C6orf89: variants seen among roughly 807,000 people sequenced by gnomAD.
The protein encoded by C6orf89 is bombesin receptor-activated protein C6orf89.
In C6orf89, 29 loss-of-function variants were observed where a neutral mutation model predicts 40.7. The observed-to-expected ratio is 0.71, with a 90% CI of 0.53 to 0.97. The LOEUF is 0.97. Ranked by LOEUF, C6orf89 falls within the 50% of genes least tolerant of loss-of-function variation. C6orf89 has a pLI of 0.00. For synonymous variants in C6orf89, 165 were observed against 152.2 expected (o/e 1.08, Z -0.62); for missense variants, 392 against 429.1 (o/e 0.91, Z 0.76).
At chr6:36,891,546 T>C (rs1235492392) in intron 1 of C6orf89, among the ~76,000 whole-genome samples, 1 of 152,222 alleles carries the variant, frequency 6.6e-6, no homozygotes, top group Non-Finnish European at 1.5e-5. Flanking sequence ...TATTTCTAGT[T>C]CTAGATCCTT....
intron 6 of C6orf89, among the ~76,000 whole-genome samples, chr6:36,915,054 C>G (rs151128950): frequency 1.3e-5 from 2 of 152,174 alleles, no homozygotes; most frequent in African/African-American, 4.8e-5. Context: ...CCAGAAATAC[C>G]TGCAAAACAG....
intron 7 of C6orf89, among the ~76,000 whole-genome samples, chr6:36,919,174 G>A (rs897221009): frequency 1.3e-5 from 2 of 152,198 alleles, no homozygotes; most frequent in Non-Finnish European, 2.9e-5. Flanking sequence ...CCATGTGCTG[G>A]TTTCTGCTGG....
At chr6:36,887,640 T>G (rs116533048) in intron 1 of C6orf89, among the ~76,000 whole-genome samples, 259 of 152,280 alleles carry the variant, frequency 1.7e-3, no homozygotes, top group African/African-American at 5.6e-3. Context: ...CAGTGTAGAA[T>G]GTGAAGAAGG....
At chr6:36,872,639 CCT>C (rs1048467415) in intron 1 of C6orf89, among the ~76,000 whole-genome samples, 162 of 151,948 alleles carry the variant, frequency 1.1e-3, no homozygotes, top group African/African-American at 3.6e-3. Context: ...GAAAGGGTCT[CCT>C]CTGTCACCCA....
intron 1 of C6orf89, among the ~76,000 whole-genome samples, chr6:36,893,185 C>T (rs973652133): frequency 1.6e-4 from 24 of 152,000 alleles, no homozygotes; most frequent in African/African-American, 5.8e-4. Flanking sequence ...CTGCCCGCCT[C>T]GGCCTCCCAA....
intron 2 of C6orf89, among the ~76,000 whole-genome samples, chr6:36,880,223 A>T (rs932887333): frequency 6.6e-6 from 1 of 152,242 alleles, no homozygotes; most frequent in Non-Finnish European, 1.5e-5. Flanking sequence ...GCTATGCTTA[A>T]AAGTCAGGTT....
Position 36,886,031 on chromosome 6 carries a change from G to C in C6orf89, c.-120+3G>C. ...CCCGAGGGGCGCGAGCCCCGCATGT[G>C]AGTGACTGGGGCCCGAGGCTGGGTG... On this transcript the variant is annotated splice_donor_region_variant and intron_variant, in intron 1 of 8. Coordinates refer to ENST00000480824, the MANE Select transcript of C6orf89 (RefSeq NM_001286635.2). 8.0e-7 allele frequency: 1 copy of C among 1,257,510 alleles called. No individual in the cohort carries two copies. The highest frequency in any genetic ancestry group is 2.9e-5 in the South Asian group (1 of 34,308). 77.9% of individuals were successfully genotyped at this position (1,257,510 alleles called of 1,614,324 possible).
rs79970764 is a variant in C6orf89, at chr6:36,890,390, C to T, written c.-119-4114C>T. Among the ~76,000 whole-genome samples the T allele has an allele frequency of 0.02, 3,095 of 152,234 alleles. 219 individuals carry two copies. The East Asian group carries it at 0.27, about 13-fold the overall frequency. ...TTTAGATTAATCGCACAAGTGGTAT[C>T]ATGTAGTATTTATCTTTCTGTGTCT... is the stretch of plus-strand genomic sequence containing the variant. On this transcript the variant is annotated intron_variant, in intron 1 of 8. Transcript: ENST00000480824.
At chr6:36,896,737 A>T (rs984322284) in intron 2 of C6orf89, among the ~76,000 whole-genome samples, 33 of 152,232 alleles carry the variant, frequency 2.2e-4, no homozygotes, top group African/African-American at 7.9e-4. Context: ...GAATCCCAGA[A>T]TCATGAAGCC....
At chr6:36,890,312 C>T (rs1256937632) in intron 1 of C6orf89, among the ~76,000 whole-genome samples, 2 of 152,256 alleles carry the variant, frequency 1.3e-5, no homozygotes, top group South Asian at 2.1e-4. Context: ...TTCCCCCTGC[C>T]TGCAGCCTCC....
chr6:36,885,522 C>T (rs1774941022), upstream of C6orf89, among the ~76,000 whole-genome samples: 1 of 152,160 alleles, frequency 6.6e-6, no homozygotes, highest in African/African-American at 2.4e-5. Flanking sequence ...AATGAGTGGG[C>T]TGAGTGAAAA....
intron 1 of C6orf89, chr6:36,875,038 G>A (rs1774615236): frequency 4.2e-6 from 2 of 481,094 alleles, no homozygotes; most frequent in Non-Finnish European, 7.4e-6. Context: ...CACTCTGGGC[G>A]ATCTGATTGG....
chr6:36,885,921 G>T, upstream of C6orf89: 1 of 1,068,674 alleles, frequency 9.4e-7, no homozygotes, highest in Non-Finnish European at 1.2e-6. Flanking sequence ...CCAGGAGTGG[G>T]GGGTTGCTTC....
At chr6:36,918,970 T>C (rs1488323945) in intron 7 of C6orf89, among the ~76,000 whole-genome samples, 1 of 152,198 alleles carries the variant, frequency 6.6e-6, no homozygotes, top group Non-Finnish European at 1.5e-5. Context: ...TTTTAATCGG[T>C]AGCATGGCAT....
intron 1 of C6orf89, chr6:36,872,082 G>C (rs945166933): frequency 4.8e-6 from 2 of 416,624 alleles, no homozygotes; most frequent in Non-Finnish European, 8.2e-6. Flanking sequence ...CAGGTGTTCT[G>C]GGTACTTCTT....
At chr6:36,888,353 C>T (rs1222421637) in intron 1 of C6orf89, among the ~76,000 whole-genome samples, 2 of 152,066 alleles carry the variant, frequency 1.3e-5, no homozygotes, top group East Asian at 1.9e-4. Flanking sequence ...AATAAGTGGC[C>T]GAGTGCAGCG....
intron 2 of C6orf89, among the ~76,000 whole-genome samples, chr6:36,894,919 A>G (rs901523663): frequency 3.5e-4 from 54 of 152,156 alleles, no homozygotes; most frequent in Admixed American, 3.0e-3. Context: ...TTGTAGTCCA[A>G]TCCTCTTATT....
In C6orf89 at chr6:36,926,170, CTTA is replaced by C. The variant is rs1166563399; in HGVS notation, c.*2734_*2736del. ...AGTCAAGTAGTGAATGGATACCATA[CTTA>C]TTATGGTTGATGAAAAAAGGCAGAG... On this transcript the variant is annotated 3_prime_UTR_variant, in exon 9 of 9. Coordinates refer to ENST00000480824, the MANE Select transcript of C6orf89 (RefSeq NM_001286635.2). 1.3e-5 allele frequency: 2 copies of C among 152,158 alleles called. No homozygotes were observed. The highest frequency in any genetic ancestry group is 2.9e-5 in the Non-Finnish European group (2 of 68,048). 9.4% of individuals were successfully genotyped at this position (152,158 alleles called of 1,614,324 possible). A position where few individuals can be genotyped will look rare whatever the true frequency, so the allele number is the denominator to read the frequency against.
At chr6:36,874,772 T>C (rs1774603810) in intron 1 of C6orf89, 3 of 1,614,132 alleles carry the variant, frequency 1.9e-6, no homozygotes, top group Non-Finnish European at 2.5e-6. Context: ...ATTGCCGCCA[T>C]AGCGAAGCCG....
Sources: allele counts gnomAD v4.1 joint callset (sites outside exome capture counted in the v4.1 genomes callset), GRCh38; gene constraint gnomAD v4.1.1; transcripts MANE v1.5; gene names NCBI Gene and HGNC (gene_info 2026-07-23, HGNC 2026-07-21).